The following ANKRD31 variants were observed in gnomAD, a reference collection of about 807,000 sequenced individuals.
ANKRD31 encodes the protein ankyrin repeat domain-containing protein 31.
ANKRD31 carries 147 observed loss-of-function variants against 186.0 expected under a neutral mutation model. The ratio of observed to expected loss-of-function variants is 0.79; its 90% CI spans 0.69 to 0.91. The LOEUF (loss-of-function observed/expected upper bound fraction) is 0.91. ANKRD31 is among the 40% of genes least tolerant of loss of function. ANKRD31 has a pLI of 0.00. For synonymous variants in ANKRD31, 673 were observed against 736.4 expected, an observed-to-expected ratio of 0.91 and a Z score of 1.39; for missense variants, 1,986 against 2,148.8, an observed-to-expected ratio of 0.92 and a Z score of 1.50.
At position 75,107,585 on chromosome 5, in the gene ANKRD31, T is replaced by G. The variant is rs763282070; in HGVS notation, c.4276A>C (p.Lys1426Gln). The G allele has an allele frequency of 6.5e-7, 1 of 1,531,518 alleles. No individual in the cohort carries two copies. Among genetic ancestry groups the G allele is most frequent in the South Asian group, 1.2e-5 (1 of 82,998 alleles). 94.9% of individuals were successfully genotyped at this position (1,531,518 alleles called of 1,614,324 possible). The change falls in exon 21 of 26, where the codon AAG becomes CAG. Residue 1426 changes from lysine to glutamine, a missense_variant. Transcript: ENST00000506364. ...QYIEKMLKIK[K>Q]IMDNVLAKQK... ...TTGGCAAGCACATTATCCATAATCTTTTTTATCTTTAACATCTTTTCAATG... is the reference window on the plus strand; with the variant it reads ...TTGGCAAGCACATTATCCATAATCTGTTTTATCTTTAACATCTTTTCAATG...
chr5:75,104,606 A>G lies in ANKRD31; in HGVS notation c.4953T>C (p.Leu1651=), dbSNP rs1747180192. 1 of 1,536,510 alleles carries G rather than the reference A, an allele frequency of 6.5e-7. No individual in the cohort carries two copies. Among genetic ancestry groups the G allele is most frequent in the South Asian group, 1.2e-5 (1 of 83,878 alleles). Reference sequence around the variant, plus strand: ...TTGATGGATGGGCAGCATTTTCGGCAAGGACACTTGCAGTTTCTGAAATAT... The same window carrying G: ...TTGATGGATGGGCAGCATTTTCGGCGAGGACACTTGCAGTTTCTGAAATAT... ...KLNISETASV[L]AENAAHPSNI... Residue 1651 remains leucine, a synonymous_variant, in exon 22 of 26, where the codon CTT becomes CTC. Transcript: ENST00000506364.
At chr5:75,218,141 C>A (rs902691285) in intron 3 of ANKRD31, among the ~76,000 whole-genome samples, 1 of 151,994 alleles carries the variant, frequency 6.6e-6, no homozygotes, top group Admixed American at 6.6e-5. Context: ...TACAAAAGAT[C>A]AACAAATCCA....
At chr5:75,218,732 C>T (rs1757113844) in intron 3 of ANKRD31, among the ~76,000 whole-genome samples, 1 of 152,084 alleles carries the variant, frequency 6.6e-6, no homozygotes, top group South Asian at 2.1e-4. Context: ...TGTGAATTCG[C>T]ACAACAAAAA....
At chr5:75,117,962 T>C (rs1748431511) in intron 18 of ANKRD31, among the ~76,000 whole-genome samples, 173 bp downstream of exon 18, 1 of 152,110 alleles carries the variant, frequency 6.6e-6, no homozygotes, top group Non-Finnish European at 1.5e-5. Context: ...GATCTATAAA[T>C]TAAACCAAAT....
Position 75,169,532 on chromosome 5 carries a change from C to A in ANKRD31, c.1565-411G>T, listed in dbSNP as rs1580471587. Among the ~76,000 whole-genome samples the A allele has an allele frequency of 2.6e-5, 4 of 152,136 alleles. No individual in the cohort carries two copies. In the South Asian group the frequency reaches 6.2e-4, roughly 24 times the overall value. ...ATCCAGCTGGCTGGACTACATATCA[C>A]TCAGTTCAAAAGGATATATTCATTT... On this transcript the variant is annotated intron_variant, in intron 10 of 25. Coordinates refer to ENST00000506364, the MANE Select transcript of ANKRD31 (RefSeq NM_001372053.1).
chr5:75,101,080 G>A (rs188222704), intron 22 of ANKRD31, among the ~76,000 whole-genome samples: 2 of 152,302 alleles, frequency 1.3e-5, no homozygotes, highest in African/African-American at 4.8e-5. Flanking sequence ...TCCTTTCCAT[G>A]TTTAGTGCTT....
rs1561524168 is a variant in ANKRD31 at position 75,193,384 on chromosome 5, G to C, written c.1225C>G (p.Pro409Ala). ...AGGATTTTTGGTAAAATCTTTTCTG[G>C]CATCTTATACATGTGATCTGAGTAC... ...AKYSDHMYKM[P>A]EKILPKILGC... The change falls in exon 8 of 26, where the codon CCA becomes GCA. Residue 409 changes from proline (P) to alanine (A), a missense_variant. By Grantham distance (27) the Pro-to-Ala change is conservative. Transcript: ENST00000506364. 1 of 1,536,894 alleles carries C rather than the reference G, an allele frequency of 6.5e-7. No homozygotes were observed. Among genetic ancestry groups the C allele is most frequent in the Admixed American group, 2.0e-5 (1 of 50,958 alleles).
At chr5:75,121,236 T>C (rs1224961632) in intron 17 of ANKRD31, among the ~76,000 whole-genome samples, 1 of 149,994 alleles carries the variant, frequency 6.7e-6, no homozygotes, top group Non-Finnish European at 1.5e-5. Flanking sequence ...TAAAGGGTGA[T>C]ATCAATTCAA....
intron 6 of ANKRD31, 80 bp from the exon 7 acceptor site, chr5:75,196,280 T>A: frequency 8.7e-7 from 1 of 1,144,552 alleles, no homozygotes. Context: ...AGTTTTATAG[T>A]TTATCTTGTT....
chr5:75,079,998 T>A (rs1744961042), intron 25 of ANKRD31, among the ~76,000 whole-genome samples: 2 of 151,900 alleles, frequency 1.3e-5, no homozygotes, highest in Admixed American at 1.3e-4. Context: ...CTTAGGAGGC[T>A]GAGGCAGGAG....
At chr5:75,234,037 ATGTTT>A (rs1758108742) in intron 1 of ANKRD31, among the ~76,000 whole-genome samples, 1 of 149,702 alleles carries the variant, frequency 6.7e-6, no homozygotes, top group African/African-American at 2.5e-5. Flanking sequence ...AACAAACTAA[ATGTTT>A]TGTTTTAAAA....
At chr5:75,138,711 TATA>T (rs1750791214) in intron 16 of ANKRD31, 132 bp downstream of exon 16, 1 of 903,164 alleles carries the variant, frequency 1.1e-6, no homozygotes, top group African/African-American at 1.7e-5. Context: ...TAAACACTAA[TATA>T]ATATAAAAAA....
intron 11 of ANKRD31, among the ~76,000 whole-genome samples, chr5:75,158,724 C>T (rs576336013): frequency 4.6e-5 from 7 of 152,150 alleles, no homozygotes; most frequent in East Asian, 1.9e-4. Context: ...CCCAAAAATT[C>T]GAGGCTGCAG....
At chr5:75,201,914 C>T (rs1023279445) in intron 5 of ANKRD31, among the ~76,000 whole-genome samples, 6 of 152,174 alleles carry the variant, frequency 3.9e-5, no homozygotes, top group South Asian at 4.1e-4. Context: ...CATAACCCAG[C>T]GATTCCTTTC....
intron 17 of ANKRD31, among the ~76,000 whole-genome samples, chr5:75,126,187 A>T (rs567970640): frequency 7.9e-5 from 12 of 152,268 alleles, no homozygotes; most frequent in Middle Eastern, 3.4e-3. Flanking sequence ...CTCACCTGTA[A>T]TCCCAGCACT....
chr5:75,159,745 G>A (rs1368002250), intron 11 of ANKRD31, among the ~76,000 whole-genome samples: 1 of 151,040 alleles, frequency 6.6e-6, no homozygotes, highest in Admixed American at 6.6e-5. Context: ...TGGGCTGAAA[G>A]CAAGTGACAA....
intron 2 of ANKRD31, 35 bp downstream of exon 2, chr5:75,230,527 T>C (rs1352757341): frequency 6.7e-6 from 10 of 1,485,118 alleles, no homozygotes; most frequent in Non-Finnish European, 8.2e-6. Flanking sequence ...ACTGGGAAAC[T>C]AAAGGGACTA....
chr5:75,074,289 T>C (rs1383196660), intron 25 of ANKRD31, among the ~76,000 whole-genome samples: 7 of 152,186 alleles, frequency 4.6e-5, no homozygotes, highest in African/African-American at 9.7e-5. Context: ...AGAAAGATCA[T>C]CCTTACAACA....
In ANKRD31 at chr5:75,147,488, A is replaced by G; in HGVS notation, c.1923T>C (p.Ser641=). ...VYQHKKPKFS[S]KSHIWHVYNE... ...TATAAACATGCCAAATGTGACTTTT[A>G]GAACTGAACTTTGGTTTCTATAGAA... The change falls in exon 14 of 26, where the codon TCT becomes TCC. Residue 641 remains serine, a synonymous_variant. Coordinates refer to ENST00000506364, the MANE Select transcript of ANKRD31 (RefSeq NM_001372053.1). 18 of 1,456,554 alleles carry G rather than the reference A, an allele frequency of 1.2e-5. No individual in the cohort carries two copies. Among genetic ancestry groups the G allele is most frequent in the Non-Finnish European group, 1.6e-5 (18 of 1,114,180 alleles). The allele number at this position is 1,456,554 out of a possible 1,614,324, so 90.2% of individuals were successfully genotyped here.
Sources: allele counts gnomAD v4.1 joint callset (sites outside exome capture counted in the v4.1 genomes callset), GRCh38; gene constraint gnomAD v4.1.1; transcripts MANE v1.5; gene names NCBI Gene and HGNC (gene_info 2026-07-23, HGNC 2026-07-21).